Variants in CLASRP observed in about 807,000 individuals in gnomAD.
CLASRP encodes CLK4 associating serine/arginine rich protein, also known as CLK4-associating serine/arginine rich protein.
In CLASRP, 52 loss-of-function variants were observed where a neutral mutation model predicts 99.9. That is an observed-to-expected ratio of 0.52 (90% CI 0.42 to 0.66). CLASRP has a LOEUF of 0.66. CLASRP is among the 30% of genes least tolerant of loss of function. The pLI is 0.00. For missense variants in CLASRP, 848 were observed against 999.2 expected, an observed-to-expected ratio of 0.85 and a Z score of 2.04; for synonymous variants, 379 against 373.0, an observed-to-expected ratio of 1.02 and a Z score of -0.18.
rs1014604570 is a variant in CLASRP, at chr19:45,068,138, C to T, written c.1707+84C>T. 2.6e-5 allele frequency: 34 copies of T among 1,315,922 alleles called. No homozygotes were observed. In the Admixed American group the frequency reaches 4.9e-4, roughly 19 times the overall value. 81.5% of individuals were successfully genotyped at this position (1,315,922 alleles called of 1,614,324 possible). A position where few individuals can be genotyped will look rare whatever the true frequency, so the allele number is the denominator to read the frequency against. ...TGGGCCCGGTGGGCCTGCAGGGGGG[C>T]CCGGGTGGGCTGGGAGATCCAGCCC... On this transcript the variant is annotated intron_variant, in intron 15 of 20. Coordinates refer to ENST00000221455, the MANE Select transcript of CLASRP (RefSeq NM_007056.3).
chr19:45,056,655 A>G (rs1972124633), intron 6 of CLASRP, 121 bp downstream of exon 6: 3 of 793,112 alleles, frequency 3.8e-6, no homozygotes, highest in South Asian at 1.5e-5. Flanking sequence ...GGTGTTCAGC[A>G]CACAGTCAGT....
Position 45,067,740 on chromosome 19 carries a change from A to T in CLASRP, c.1667+146A>T, listed in dbSNP as rs1967126117. The T allele has an allele frequency of 1.3e-6, 1 of 776,064 alleles. No individual in the cohort carries two copies. The highest frequency in any genetic ancestry group is 1.7e-5 in the African/African-American group (1 of 57,230). The allele number at this position is 776,064 out of a possible 1,614,324, so 48.1% of individuals were successfully genotyped here. A position where few individuals can be genotyped will look rare whatever the true frequency, so the allele number is the denominator to read the frequency against. ...GCCCTGGCCTGGGAGGGTGGATTTC[A>T]GGGGGACACAGCCCTGGCCTGGGGG... is the stretch of plus-strand genomic sequence containing the variant. On this transcript the variant is annotated intron_variant, in intron 14 of 20. Coordinates refer to ENST00000221455, the MANE Select transcript of CLASRP (RefSeq NM_007056.3). The surrounding 1 kb of genome is among the most constrained non-coding windows in gnomAD (Gnocchi z 4.9).
At chr19:45,052,005 T>G (rs1226308016) in intron 2 of CLASRP, 66 bp from the exon 3 acceptor site, 1 of 1,229,938 alleles carries the variant, frequency 8.1e-7, no homozygotes, top group Non-Finnish European at 1.2e-6. Flanking sequence ...TAAGCTCGGT[T>G]GTGTGTGAGG....
intron 2 of CLASRP, among the ~76,000 whole-genome samples, chr19:45,050,843 A>G (rs970262102): frequency 6.6e-6 from 1 of 151,620 alleles, no homozygotes; most frequent in African/African-American, 2.4e-5. Flanking sequence ...CAGCCTCCCA[A>G]ATAGCTGGGA....
intron 2 of CLASRP, among the ~76,000 whole-genome samples, chr19:45,044,847 C>T (rs1299658567): frequency 1.3e-5 from 2 of 152,144 alleles, no homozygotes; most frequent in African/African-American, 4.8e-5. Context: ...ATTTGGGAGT[C>T]ATGGGGCTCT....
chr19:45,044,979 A>G (rs1568411139), intron 2 of CLASRP, among the ~76,000 whole-genome samples: 1 of 152,206 alleles, frequency 6.6e-6, no homozygotes, highest in Admixed American at 6.5e-5. Flanking sequence ...CTTTGGCTCT[A>G]ACAAACCTAG....
intron 2 of CLASRP, among the ~76,000 whole-genome samples, chr19:45,051,574 G>C (rs1972023686): frequency 6.6e-6 from 1 of 152,104 alleles, no homozygotes; most frequent in Non-Finnish European, 1.5e-5. Flanking sequence ...CCAAAGTGTT[G>C]AGATTACAGG....
In CLASRP at chr19:45,064,058, C is replaced by A. The variant is rs780775283; in HGVS notation, c.952C>A (p.Pro318Thr). 1.9e-6 allele frequency: 3 copies of A among 1,612,138 alleles called. No individual in the cohort carries two copies. The highest frequency in any genetic ancestry group is 2.2e-5 in the South Asian group (2 of 91,032). Residue 318 changes from proline to threonine, a missense_variant, in exon 12 of 21, where the codon CCG becomes ACG. Transcript: ENST00000221455. ...SSESRSRSRS[P>T]TPGREEKITF... The stretch of plus-strand genomic sequence containing the variant: ...AGAGTCCCGCTCCCGCTCCCGCTCC[C>A]CGACCCCGGGCCGCGAGGAGAAGAT...
At chr19:45,069,450 C>T (rs777537632) in intron 18 of CLASRP, among the ~76,000 whole-genome samples, 4 of 152,178 alleles carry the variant, frequency 2.6e-5, no homozygotes, top group African/African-American at 7.2e-5. Flanking sequence ...ACCTGCCTCC[C>T]GCCACCGCGA....
In CLASRP at chr19:45,056,335, C is replaced by A. The variant is rs1169844615; in HGVS notation, c.380-115C>A. Reference sequence around the variant, plus strand: ...GATTATCTGGAAGTGGTGACTGCCCCCCAAGGTGCACTGGGGTTGCACCTG... The same window carrying A: ...GATTATCTGGAAGTGGTGACTGCCCACCAAGGTGCACTGGGGTTGCACCTG... On this transcript the variant is annotated intron_variant, in intron 5 of 20. Transcript: ENST00000221455. 13 of 826,730 alleles carry A rather than the reference C, an allele frequency of 1.6e-5. No individual in the cohort carries two copies. The South Asian group carries it at 1.8e-4, about 11-fold the overall frequency. The allele number at this position is 826,730 out of a possible 1,614,324, so 51.2% of individuals were successfully genotyped here.
chr19:45,065,571 A>C, intron 13 of CLASRP, among the ~76,000 whole-genome samples: 1 of 151,830 alleles, frequency 6.6e-6, no homozygotes, highest in East Asian at 1.9e-4. Flanking sequence ...AAGAAAAAAA[A>C]AAAAAAAAGA....
At chr19:45,039,397 C>G (rs1438450946) in intron 1 of CLASRP, 1 of 152,152 alleles carries the variant, frequency 6.6e-6, no homozygotes, top group Non-Finnish European at 1.5e-5. Context: ...CCCAAATCCT[C>G]AGGCCGCGAC....
chr19:45,054,211 C>T (rs1972079240), intron 5 of CLASRP, among the ~76,000 whole-genome samples: 2 of 152,306 alleles, frequency 1.3e-5, no homozygotes, highest in African/African-American at 4.8e-5. Context: ...ATTACATCTG[C>T]ACAACCACCT....
intron 2 of CLASRP, among the ~76,000 whole-genome samples, chr19:45,044,940 A>G (rs1971887634): frequency 6.6e-6 from 1 of 152,200 alleles, no homozygotes; most frequent in South Asian, 2.1e-4. Context: ...CCTCTTCCAC[A>G]TGTGAAAGGA....
At chr19:45,068,291 C>A (rs1967140273) in intron 15 of CLASRP, 129 bp from the exon 16 acceptor site, 1 of 669,638 alleles carries the variant, frequency 1.5e-6, no homozygotes, top group Admixed American at 2.2e-5. Context: ...CACAGCCTGC[C>A]CCTCCTCCCC....
intron 2 of CLASRP, among the ~76,000 whole-genome samples, chr19:45,045,672 T>C (rs778583813): frequency 2.0e-5 from 3 of 152,168 alleles, no homozygotes; most frequent in Non-Finnish European, 2.9e-5. Flanking sequence ...GTTACTGTTG[T>C]AGCAAAGGGA....
rs144999572 is a variant in CLASRP at position 45,061,447 on chromosome 19, C to T, written c.864-707C>T. ...ACTTCACCTCTCTGGGCCTCAGTTT[C>T]CTCAGCTGTGATAGTCTCTCTTTTT... On this transcript the variant is annotated intron_variant, in intron 10 of 20. Coordinates refer to ENST00000221455, the MANE Select transcript of CLASRP (RefSeq NM_007056.3). 4.1e-4 allele frequency among the ~76,000 whole-genome samples: 63 copies of T among 152,112 alleles called. 1 individual carries two copies. The East Asian group carries it at 0.011, about 26-fold the overall frequency.
At position 45,039,084 on chromosome 19, in the gene CLASRP, A is replaced by C. The variant is rs893903824; in HGVS notation, c.-54A>C. 6.6e-6 allele frequency: 1 copy of C among 152,052 alleles called. No homozygotes were observed. 9.4% of individuals were successfully genotyped at this position (152,052 alleles called of 1,614,324 possible). A position where few individuals can be genotyped will look rare whatever the true frequency, so the allele number is the denominator to read the frequency against. On this transcript the variant is annotated 5_prime_UTR_variant, in exon 1 of 21. Transcript: ENST00000221455. ...TCCGGTGCGGGCCGCGCGCGAGCGC[A>C]GCGGTGGGAGGCGGCGACCAGCCGG... is the stretch of plus-strand genomic sequence containing the variant.
intron 2 of CLASRP, among the ~76,000 whole-genome samples, chr19:45,046,521 C>T (rs926669738): frequency 1.3e-5 from 2 of 152,216 alleles, no homozygotes. Context: ...CCCATCTCAG[C>T]GCTGTCCACT....
Sources: gnomAD v4.1 joint callset for allele counts (sites outside exome capture counted in the v4.1 genomes callset) on GRCh38, gnomAD v4.1.1 for gene constraint, Gnocchi (gnomAD v3.1) non-coding constraint, MANE v1.5 for transcripts, NCBI Gene and HGNC (gene_info 2026-07-23, HGNC 2026-07-21) for gene names.